Variants in SH3TC2 observed in about 807,000 individuals in gnomAD.
SH3TC2 encodes the protein SH3 domain and tetratricopeptide repeat-containing protein 2.
A neutral mutation model predicts 124.5 loss-of-function variants in SH3TC2; 87 were observed. The observed-to-expected ratio is 0.70, with a 90% CI of 0.59 to 0.84. SH3TC2 has a LOEUF of 0.84. Ranked by LOEUF, SH3TC2 falls within the 40% of genes least tolerant of loss-of-function variation. The probability of loss-of-function intolerance (pLI) is 0.00; values close to 1 mark genes in which losing one functional copy is unlikely to be tolerated. For missense variants in SH3TC2, 1,536 were observed against 1,566.4 expected, an observed-to-expected ratio of 0.98 and a Z score of 0.33; for synonymous variants, 634 against 628.5, an observed-to-expected ratio of 1.01 and a Z score of -0.13.
chr5:149,005,712 C>T (rs995677076), intron 16 of SH3TC2, among the ~76,000 whole-genome samples: 4 of 152,124 alleles, frequency 2.6e-5, no homozygotes, highest in African/African-American at 9.7e-5. Flanking sequence ...TTTCCATTAA[C>T]CCTCATAAGT....
At chr5:149,019,270 G>A (rs1753929667) in intron 12 of SH3TC2, among the ~76,000 whole-genome samples, 1 of 152,148 alleles carries the variant, frequency 6.6e-6, no homozygotes, top group Non-Finnish European at 1.5e-5. Flanking sequence ...GTTTATCTGT[G>A]TCTGTAGTTG....
At chr5:149,041,383 G>C (rs768698394) in intron 6 of SH3TC2, 33 bp downstream of exon 6, 3 of 1,608,696 alleles carry the variant, frequency 1.9e-6, no homozygotes, top group Non-Finnish European at 1.7e-6. Flanking sequence ...GTCTGCTCTG[G>C]GACTTGCTCC....
intron 2 of SH3TC2, among the ~76,000 whole-genome samples, chr5:149,049,528 A>T (rs1296934644): frequency 6.6e-6 from 1 of 152,126 alleles, no homozygotes; most frequent in Non-Finnish European, 1.5e-5. Context: ...GCGGTTTGGG[A>T]GGTCAAGGGA....
Position 149,027,844 on chromosome 5 carries a change from G to T in SH3TC2, c.1888C>A (p.Pro630Thr). 1 of 1,613,894 alleles carries T rather than the reference G, an allele frequency of 6.2e-7. No homozygotes were observed. Among genetic ancestry groups the T allele is most frequent in the East Asian group, 2.2e-5 (1 of 44,876 alleles). Residue 630 changes from proline (P) to threonine (T), a missense_variant, in exon 11 of 17, where the codon CCG (proline) becomes ACG (threonine). Pro to Thr is a conservative substitution (Grantham distance 38, BLOSUM62 -1). Coordinates refer to ENST00000515425, the MANE Select transcript of SH3TC2 (RefSeq NM_024577.4). ...AGAAAGCAGGCCCTGGCCTCCAGCG[G>T]GCTGCTGCCCACCACAATCCCCTGG... is the stretch of plus-strand genomic sequence containing the variant. ...LRQGIVVGSS[P>T]LEARACFLAI...
At chr5:149,008,732 G>T in intron 15 of SH3TC2, 119 bp downstream of exon 15, 2 of 1,398,658 alleles carry the variant, frequency 1.4e-6, no homozygotes, top group African/African-American at 1.4e-5. Context: ...TCTGACAGTT[G>T]GACCTGGGAT....
rs1753359853 is a variant in SH3TC2 at position 148,987,922 on chromosome 5, T to G, written c.*16789A>C. Among the ~76,000 whole-genome samples, 1 of 150,790 alleles carries G rather than the reference T, an allele frequency of 6.6e-6. No individual in the cohort carries two copies. The highest frequency in any genetic ancestry group is 2.1e-4 in the South Asian group (1 of 4,736). On this transcript the variant is annotated 3_prime_UTR_variant, in exon 17 of 17. Transcript: ENST00000515425. ...TGTGGCCCAGAGTAAGCTTACATAG[T>G]GAGTGCACCTAAAGGTGAGCCATCT...
intron 16 of SH3TC2, among the ~76,000 whole-genome samples, 196 bp from the exon 17 acceptor site, chr5:149,005,098 A>G (rs1753664725): frequency 6.6e-6 from 1 of 152,066 alleles, no homozygotes; most frequent in African/African-American, 2.4e-5. Context: ...GACATTGCTA[A>G]TCACAGTGCC....
Position 149,048,107 on chromosome 5 carries a change from T to G in SH3TC2, c.152-118A>C, listed in dbSNP as rs895908576. The G allele has an allele frequency of 2.1e-6, 3 of 1,400,234 alleles. No homozygotes were observed. In the African/African-American group the frequency reaches 4.3e-5, roughly 20 times the overall value. 86.7% of individuals were successfully genotyped at this position (1,400,234 alleles called of 1,614,324 possible). ...CCTGAACCCTCAACTGGTGTCCTCA[T>G]TAGTTACAGATTAGAGTGGTCTTAA... On this transcript the variant is annotated intron_variant, in intron 2 of 16. Transcript: ENST00000515425.
At position 149,031,648 on chromosome 5, in the gene SH3TC2, G is replaced by A; in HGVS notation, c.1041C>T (p.Cys347=). Residue 347 remains cysteine (C), a synonymous_variant, in exon 9 of 17, where the codon TGC becomes TGT. Coordinates refer to ENST00000515425, the MANE Select transcript of SH3TC2 (RefSeq NM_024577.4). ...NSAFLSDEER[C]SLLALGSDKQ... ...TATCACTTCCCAGGGCCAACAGGGAGCATCTCTCCTCATCACTGAGAAAGG... is the reference window on the plus strand; with the variant it reads ...TATCACTTCCCAGGGCCAACAGGGAACATCTCTCCTCATCACTGAGAAAGG... The A allele has an allele frequency of 1.9e-6, 3 of 1,614,148 alleles. No individual in the cohort carries two copies. The highest frequency in any genetic ancestry group is 2.5e-6 in the Non-Finnish European group (3 of 1,180,034).
chr5:149,031,379 C>T (rs1446381085), intron 9 of SH3TC2, among the ~76,000 whole-genome samples, 175 bp downstream of exon 9: 1 of 152,144 alleles, frequency 6.6e-6, no homozygotes, highest in Non-Finnish European at 1.5e-5. Flanking sequence ...TACCTGAAAT[C>T]TAAAGTGAAA....
rs115721923 is a variant in SH3TC2 at position 149,005,263 on chromosome 5, A to C, written c.3676-361T>G. ...CTTTCCACTGTGTCTCAATAAGGAA[A>C]ATAGTCCCTCTGAAGTGGCAGGTTC... On this transcript the variant is annotated intron_variant, in intron 16 of 16. Transcript: ENST00000515425. Among the ~76,000 whole-genome samples the C allele has an allele frequency of 4.9e-3, 751 of 152,282 alleles. 10 individuals carry two copies. The highest frequency in any genetic ancestry group is 0.017 in the African/African-American group (710 of 41,552).
chr5:148,982,404 A>C lies in SH3TC2; in HGVS notation c.*22307T>G, dbSNP rs1189612272. Among the ~76,000 whole-genome samples the C allele has an allele frequency of 6.6e-6, 1 of 152,224 alleles. No individual in the cohort carries two copies. The highest frequency in any genetic ancestry group is 6.5e-5 in the Admixed American group (1 of 15,284). ...CACTTTTGTGGAATTTTTCCTACAT[A>C]TATAATCACAATCACATGAAATGAC... On this transcript the variant is annotated 3_prime_UTR_variant, in exon 17 of 17. Transcript: ENST00000515425.
In SH3TC2 at chr5:148,997,276, T is replaced by G. The variant is rs1753527042; in HGVS notation, c.*7435A>C. ...GTCTTCTACGATTGGCTCTGGAGTC[T>G]CTTGCAAGTTTCCCTCATTCACCTC... On this transcript the variant is annotated 3_prime_UTR_variant, in exon 17 of 17. Coordinates refer to ENST00000515425, the MANE Select transcript of SH3TC2 (RefSeq NM_024577.4). Among the ~76,000 whole-genome samples, 1 of 152,314 alleles carries G rather than the reference T, an allele frequency of 6.6e-6. No individual in the cohort carries two copies. The highest frequency in any genetic ancestry group is 1.5e-5 in the Non-Finnish European group (1 of 68,022).
In SH3TC2 at chr5:149,062,976, C is replaced by T. The variant is rs764347849; in HGVS notation, c.47G>A (p.Gly16Asp). Residue 16 changes from glycine to aspartate, a missense_variant, in exon 1 of 17, where the codon GGC (glycine) becomes GAC (aspartate). This residue lies in a region of SH3TC2 where 1,102 missense variants were observed against 1,098.6 expected (regional missense o/e 1.00). Coordinates refer to ENST00000515425, the MANE Select transcript of SH3TC2 (RefSeq NM_024577.4). ...GGGCCCCCTGGGAAACTCACCTGGG[C>T]CCCGGGTCAGACTCCGCTCCCTGGG... is the stretch of plus-strand genomic sequence containing the variant. Reference protein sequence around the residue: ...CIPRERSLTRGPGKETPSKDP... With the variant: ...CIPRERSLTRDPGKETPSKDP... 1.3e-6 allele frequency: 2 copies of T among 1,593,936 alleles called. No homozygotes were observed. Among genetic ancestry groups the T allele is most frequent in the Non-Finnish European group, 8.6e-7 (1 of 1,169,452 alleles).
At position 148,985,648 on chromosome 5, in the gene SH3TC2, T is replaced by C. The variant is rs994417501; in HGVS notation, c.*19063A>G. On this transcript the variant is annotated 3_prime_UTR_variant, in exon 17 of 17. Transcript: ENST00000515425. ...GGGTTGTTCCAATTTCTGGCAACTA[T>C]GAATAAATCCACTCTAAACATTTGT... is the stretch of plus-strand genomic sequence containing the variant. 6.6e-6 allele frequency among the ~76,000 whole-genome samples: 1 copy of C among 152,216 alleles called. No homozygotes were observed. Among genetic ancestry groups the C allele is most frequent in the Non-Finnish European group, 1.5e-5 (1 of 68,030 alleles).
At chr5:149,034,877 T>C (rs1245298730) in intron 8 of SH3TC2, among the ~76,000 whole-genome samples, 1 of 152,208 alleles carries the variant, frequency 6.6e-6, no homozygotes, top group Non-Finnish European at 1.5e-5. Context: ...TAGTTAAAGT[T>C]ATTTTTTCCT....
intron 16 of SH3TC2, chr5:149,006,385 T>G: frequency 2.8e-5 from 5 of 178,576 alleles, no homozygotes; most frequent in Non-Finnish European, 4.7e-5. Flanking sequence ...CTCAAACATG[T>G]TAATATGCAC....
At position 148,982,572 on chromosome 5, in the gene SH3TC2, A is replaced by C. The variant is rs534571914; in HGVS notation, c.*22139T>G. On this transcript the variant is annotated 3_prime_UTR_variant, in exon 17 of 17. Transcript: ENST00000515425. ...TACTTTACAGCTGTAAAAATGAATG[A>C]GGATACTGTTTGTAGAGTCATATGA... Among the ~76,000 whole-genome samples, 38 of 152,330 alleles carry C rather than the reference A, an allele frequency of 2.5e-4. No homozygotes were observed. The highest frequency in any genetic ancestry group is 7.5e-4 in the African/African-American group (31 of 41,582).
intron 5 of SH3TC2, 36 bp from the exon 6 acceptor site, chr5:149,041,653 A>C (rs375271992): frequency 3.9e-5 from 62 of 1,605,144 alleles, no homozygotes; most frequent in Middle Eastern, 3.4e-4. Flanking sequence ...CTTTCTAAGG[A>C]GTAGCAGGAA....
Sources: allele counts gnomAD v4.1 joint callset (sites outside exome capture counted in the v4.1 genomes callset), GRCh38; gene constraint gnomAD v4.1.1; regional missense constraint gnomAD v4.1.1; transcripts MANE v1.5; gene names NCBI Gene and HGNC (gene_info 2026-07-23, HGNC 2026-07-21).